PTN: variants seen among roughly 807,000 people sequenced by gnomAD.
PTN encodes heparin affin regulatory protein.
In PTN, 18 loss-of-function variants were observed where a neutral mutation model predicts 24.1. The ratio of observed to expected loss-of-function variants is 0.75; its 90% confidence interval spans 0.52 to 1.11. The LOEUF is 1.11. Among genes scored for constraint, PTN ranks in the 50% least tolerant of loss-of-function variants. The pLI is 0.00. For synonymous variants in PTN, 78 were observed against 68.6 expected, an observed-to-expected ratio of 1.14 and a Z score of -0.67; for missense variants, 163 against 198.8, an observed-to-expected ratio of 0.82 and a Z score of 1.08.
intron 1 of PTN, among the ~76,000 whole-genome samples, chr7:137,319,490 C>T (rs550394702): frequency 1.3e-5 from 2 of 152,284 alleles, no homozygotes; most frequent in East Asian, 1.9e-4. Flanking sequence ...GGGCTGAAAG[C>T]GAACATCTCT....
chr7:137,235,312 A>G (rs1043034020), intron 4 of PTN, among the ~76,000 whole-genome samples: 8 of 152,106 alleles, frequency 5.3e-5, no homozygotes, highest in African/African-American at 1.9e-4. Flanking sequence ...CACGTCAGCT[A>G]TGCCTCAGAA....
chr7:137,245,192 TCAAA>T (rs1438270951), intron 4 of PTN, among the ~76,000 whole-genome samples: 2 of 152,172 alleles, frequency 1.3e-5, no homozygotes, highest in Admixed American at 6.5e-5. Flanking sequence ...CAAGCAAATA[TCAAA>T]CAAACAAAAC....
At position 137,305,950 on chromosome 7, in the gene PTN, A is replaced by C. The variant is rs765609329; in HGVS notation, c.-2+37489T>G. On this transcript the variant is annotated intron_variant, in intron 1 of 4. Coordinates refer to ENST00000348225, the MANE Select transcript of PTN (RefSeq NM_002825.7). The stretch of plus-strand genomic sequence containing the variant: ...AACTGGAGATGAATCTGTAGCAAAT[A>C]CTCTTGTGAGTGCCCGCTCCCTGCG... Among the ~76,000 whole-genome samples, 4 of 151,922 alleles carry C rather than the reference A, an allele frequency of 2.6e-5. No individual in the cohort carries two copies. The South Asian group carries it at 8.3e-4, about 32-fold the overall frequency.
At chr7:137,320,386 C>T (rs1166163965) in intron 1 of PTN, among the ~76,000 whole-genome samples, 1 of 151,354 alleles carries the variant, frequency 6.6e-6, no homozygotes, top group East Asian at 2.0e-4. Context: ...CTAACTCACT[C>T]ATCTACTGTA....
chr7:137,251,990 AT>A (rs1808835472), intron 3 of PTN, among the ~76,000 whole-genome samples: 1 of 151,880 alleles, frequency 6.6e-6, no homozygotes, highest in Non-Finnish European at 1.5e-5. Context: ...GAACTGCTAT[AT>A]AAATTCATGT....
intron 1 of PTN, among the ~76,000 whole-genome samples, chr7:137,257,442 A>G (rs545780302): frequency 1.8e-4 from 28 of 152,272 alleles, no homozygotes; most frequent in Admixed American, 9.2e-4. Context: ...GCCAGTCTAG[A>G]CTCATAGGTT....
chr7:137,323,343 T>C (rs940803646), intron 1 of PTN, among the ~76,000 whole-genome samples: 1 of 152,186 alleles, frequency 6.6e-6, no homozygotes, highest in African/African-American at 2.4e-5. Context: ...AAATTTGTAT[T>C]TATGCAGTTT....
intron 1 of PTN, among the ~76,000 whole-genome samples, chr7:137,301,447 G>A (rs1367463460): frequency 6.6e-6 from 1 of 151,924 alleles, no homozygotes; most frequent in Non-Finnish European, 1.5e-5. Context: ...GTAAAGATTG[G>A]ACTAGATGTT....
chr7:137,292,882 T>C (rs948851585), intron 1 of PTN, among the ~76,000 whole-genome samples: 3 of 152,066 alleles, frequency 2.0e-5, no homozygotes, highest in African/African-American at 7.2e-5. Context: ...GGCATGTTGG[T>C]GAGGTCGTTT....
At chr7:137,241,440 T>G (rs1808626743) in intron 4 of PTN, among the ~76,000 whole-genome samples, 1 of 152,214 alleles carries the variant, frequency 6.6e-6, no homozygotes, top group African/African-American at 2.4e-5. Flanking sequence ...TCACTTTTGT[T>G]GTAATCACCA....
intron 1 of PTN, among the ~76,000 whole-genome samples, chr7:137,342,711 T>C (rs1810554706): frequency 6.6e-6 from 1 of 152,168 alleles, no homozygotes; most frequent in Admixed American, 6.5e-5. Context: ...ATCTAGTAAA[T>C]TAGTAACAAA....
intron 1 of PTN, among the ~76,000 whole-genome samples, chr7:137,264,948 G>C (rs1383496771): frequency 6.6e-6 from 1 of 150,914 alleles, no homozygotes; most frequent in South Asian, 2.1e-4. Flanking sequence ...GGACCTTACA[G>C]TCTGGGTTAA....
chr7:137,244,374 A>ATTTTTTTTTTTT (rs1242182641), intron 4 of PTN, among the ~76,000 whole-genome samples: 7 of 131,164 alleles, frequency 5.3e-5, no homozygotes, highest in South Asian at 2.5e-4. Flanking sequence ...TCTCCTCAGA[A>ATTTTTTTTTTTT]TTTTTTTTTT....
At chr7:137,299,069 A>G (rs1028643321) in intron 1 of PTN, among the ~76,000 whole-genome samples, 6 of 151,890 alleles carry the variant, frequency 4.0e-5, no homozygotes, top group Non-Finnish European at 8.8e-5. Flanking sequence ...ATTCCTACAC[A>G]CTTCCTCTAT....
At chr7:137,273,391 T>C (rs1008323181) in intron 1 of PTN, among the ~76,000 whole-genome samples, 1 of 152,174 alleles carries the variant, frequency 6.6e-6, no homozygotes, top group Non-Finnish European at 1.5e-5. Context: ...TGCCTGAGAC[T>C]GGGTAATTTA....
At chr7:137,329,083 T>C (rs1450310427) in intron 1 of PTN, among the ~76,000 whole-genome samples, 3 of 152,128 alleles carry the variant, frequency 2.0e-5, no homozygotes, top group East Asian at 1.9e-4. Context: ...CTTGGACAAG[T>C]TACTTCTGAG....
At chr7:137,251,186 G>C in intron 4 of PTN, 44 bp downstream of exon 4, 1 of 1,596,668 alleles carries the variant, frequency 6.3e-7, no homozygotes, top group Non-Finnish European at 8.6e-7. Context: ...TCTTACCTGA[G>C]TCCATCAATC....
intron 1 of PTN, among the ~76,000 whole-genome samples, chr7:137,285,416 A>G (rs1353583840): frequency 1.3e-5 from 2 of 152,196 alleles, no homozygotes; most frequent in Non-Finnish European, 2.9e-5. Flanking sequence ...CTGTAATCCC[A>G]GCACTTTGAG....
intron 4 of PTN, among the ~76,000 whole-genome samples, chr7:137,235,015 G>A (rs891668729): frequency 2.0e-5 from 3 of 152,014 alleles, no homozygotes; most frequent in Admixed American, 6.6e-5. Flanking sequence ...AAATCATTCA[G>A]AAATGCACAT....
Sources: allele counts gnomAD v4.1 joint callset (sites outside exome capture counted in the v4.1 genomes callset), GRCh38; gene constraint gnomAD v4.1.1; transcripts MANE v1.5; gene names NCBI Gene and HGNC (gene_info 2026-07-23, HGNC 2026-07-21).